Variants in NLRP14 observed in about 807,000 individuals in gnomAD.
NLRP14 encodes NACHT, LRR and PYD domains-containing protein 14.
A neutral mutation model predicts 94.7 loss-of-function variants in NLRP14; 105 were observed. That is an observed-to-expected ratio of 1.11 (90% confidence interval 0.95 to 1.30). The LOEUF (loss-of-function observed/expected upper bound fraction) is 1.30, where lower values mean the gene tolerates loss of function less well. Among genes scored for constraint, NLRP14 ranks in the 50% most tolerant of loss-of-function variants. NLRP14 has a pLI of 0.00. For missense variants in NLRP14, 1,362 were observed against 1,254.1 expected, an observed-to-expected ratio of 1.09 and a Z score of -1.30; for synonymous variants, 508 against 459.9, an observed-to-expected ratio of 1.10 and a Z score of -1.34.
chr11:7,049,455 T>A (rs1463584369), intron 5 of NLRP14, among the ~76,000 whole-genome samples: 4 of 152,190 alleles, frequency 2.6e-5, no homozygotes. Flanking sequence ...CTTTTCATGA[T>A]GTTATCACCT....
chr11:7,060,842 G>A (rs10743005), intron 9 of NLRP14, among the ~76,000 whole-genome samples: 142,716 of 152,066 alleles, frequency 0.94, 67,663 homozygotes, highest in East Asian at 1. Context: ...TACATTTATC[G>A]AGGTGTGCAT....
chr11:7,041,048 G>A (rs539466828), intron 3 of NLRP14, among the ~76,000 whole-genome samples: 216 of 152,136 alleles, frequency 1.4e-3, no homozygotes, highest in African/African-American at 4.9e-3. Flanking sequence ...GTACAAAATA[G>A]AAAATAAGAA....
chr11:7,069,354 A>T lies in NLRP14; in HGVS notation c.2976-932A>T, dbSNP rs554642474. ...ACTCAGTTGTTCAATGGCCAGGTAA[A>T]CATAAGGTGAAAATTAGATTCAAAT... is the stretch of plus-strand genomic sequence containing the variant. On this transcript the variant is annotated intron_variant, in intron 10 of 11. Coordinates refer to ENST00000299481, the MANE Select transcript of NLRP14 (RefSeq NM_176822.4). Among the ~76,000 whole-genome samples the T allele has an allele frequency of 2.6e-5, 4 of 152,332 alleles. No individual in the cohort carries two copies. The East Asian group carries it at 7.7e-4, about 29-fold the overall frequency.
chr11:7,074,794 T>C (rs1221183338), downstream of NLRP14, among the ~76,000 whole-genome samples: 1 of 152,202 alleles, frequency 6.6e-6, no homozygotes, highest in African/African-American at 2.4e-5. Context: ...GTAGCGGATC[T>C]GAAGAGGTTT....
intron 1 of NLRP14, among the ~76,000 whole-genome samples, chr11:7,031,393 C>T (rs1159458558): frequency 2.0e-5 from 3 of 152,214 alleles, no homozygotes; most frequent in Non-Finnish European, 2.9e-5. Context: ...GGGTGGGACA[C>T]TTCTGGGCAT....
At chr11:7,079,888 A>T in the NLRP14 span, among the ~76,000 whole-genome samples, 1 of 152,302 alleles carries the variant, frequency 6.6e-6, no homozygotes, top group East Asian at 1.9e-4. Context: ...AAAGTGCAGG[A>T]ATGCGGTTAC....
intron 1 of NLRP14, among the ~76,000 whole-genome samples, chr11:7,034,845 A>G (rs756348458): frequency 1.3e-5 from 2 of 152,218 alleles, no homozygotes; most frequent in African/African-American, 2.4e-5. Flanking sequence ...AATTCTTGTC[A>G]AAATGGTTTA....
chr11:7,063,432 C>T (rs1485728056), intron 10 of NLRP14, among the ~76,000 whole-genome samples: 2 of 151,992 alleles, frequency 1.3e-5, no homozygotes, highest in Non-Finnish European at 2.9e-5. Context: ...GACTGAGAGA[C>T]CTAGGATTTT....
chr11:7,073,474 A>G (rs1253831152), downstream of NLRP14, among the ~76,000 whole-genome samples: 2 of 152,180 alleles, frequency 1.3e-5, no homozygotes, highest in African/African-American at 2.4e-5. Context: ...CTATAATTCA[A>G]TTCTATTCTG....
intron 9 of NLRP14, among the ~76,000 whole-genome samples, chr11:7,061,891 G>T (rs373940308): frequency 6.6e-6 from 1 of 152,026 alleles, no homozygotes; most frequent in Non-Finnish European, 1.5e-5. Context: ...GAGTGCTCTT[G>T]AATGCCATGC....
rs1296573142 is a variant in NLRP14 at position 7,059,944 on chromosome 11, C to T, written c.2684C>T (p.Ser895Phe). The change falls in exon 9 of 12, where the codon TCT becomes TTT. Residue 895 changes from serine (S) to phenylalanine (F), a missense_variant. By Grantham distance (155) the Ser-to-Phe change is radical. Transcript: ENST00000299481. ...CTTAGCAGTGAATATCTGTCAACTT[C>T]TCTTCTACACAACAAGAGCCTGACG... is the stretch of plus-strand genomic sequence containing the variant. ...TSLSSEYLST[S>F]LLHNKSLTHL... is the part of the protein sequence containing the mutation. 6.2e-7 allele frequency: 1 copy of T among 1,612,640 alleles called. No homozygotes were observed. Among genetic ancestry groups the T allele is most frequent in the Non-Finnish European group, 8.5e-7 (1 of 1,178,966 alleles).
intron 5 of NLRP14, among the ~76,000 whole-genome samples, chr11:7,048,942 G>A (rs1852399322): frequency 6.6e-6 from 1 of 151,812 alleles, no homozygotes; most frequent in Admixed American, 6.6e-5. Flanking sequence ...TTTACTAGAT[G>A]AGGATGGTTA....
At chr11:7,074,661 G>T (rs1852851334), downstream of NLRP14, among the ~76,000 whole-genome samples, 1 of 152,166 alleles carries the variant, frequency 6.6e-6, no homozygotes, top group Non-Finnish European at 1.5e-5. Context: ...ATTGATAATA[G>T]AACCTGACAA....
chr11:7,047,469 ATTTTT>A (rs914477828), intron 5 of NLRP14, among the ~76,000 whole-genome samples: 1 of 150,574 alleles, frequency 6.6e-6, no homozygotes, highest in African/African-American at 2.4e-5. Flanking sequence ...ATGCCAGGCT[ATTTTT>A]TTTTAATTTT....
At chr11:7,063,004 T>A (rs1312935526) in intron 10 of NLRP14, among the ~76,000 whole-genome samples, 2 of 152,146 alleles carry the variant, frequency 1.3e-5, no homozygotes, top group African/African-American at 2.4e-5. Flanking sequence ...ATTATTGACC[T>A]CAGGGTCAAG....
At chr11:7,059,272 T>G (rs897235796) in intron 8 of NLRP14, among the ~76,000 whole-genome samples, 3 of 151,582 alleles carry the variant, frequency 2.0e-5, no homozygotes, top group African/African-American at 7.3e-5. Context: ...TTTATGGTCA[T>G]TTTTAGAACA....
the NLRP14 span, among the ~76,000 whole-genome samples, chr11:7,082,062 A>G: frequency 2.0e-5 from 3 of 152,148 alleles, no homozygotes; most frequent in East Asian, 5.8e-4. Context: ...AGACAGTCCT[A>G]CCACTCAGGA....
the NLRP14 span, among the ~76,000 whole-genome samples, chr11:7,082,745 A>G: frequency 6.6e-6 from 1 of 152,186 alleles, no homozygotes; most frequent in Non-Finnish European, 1.5e-5. Context: ...GTGCTGGTCT[A>G]ATTGCAGGCA....
chr11:7,065,667 T>C (rs1424538006), intron 10 of NLRP14, among the ~76,000 whole-genome samples: 1 of 152,114 alleles, frequency 6.6e-6, no homozygotes, highest in Non-Finnish European at 1.5e-5. Context: ...TTTATCAATT[T>C]AAGGAAATTG....
Sources: gnomAD v4.1 joint callset for allele counts (sites outside exome capture counted in the v4.1 genomes callset) on GRCh38, gnomAD v4.1.1 for gene constraint, MANE v1.5 for transcripts, NCBI Gene and HGNC (gene_info 2026-07-23, HGNC 2026-07-21) for gene names.